UBE2E3: variants seen among roughly 807,000 people sequenced by gnomAD.
UBE2E3 encodes ubiquitin-conjugating enzyme E2 E3.
A neutral mutation model predicts 23.6 loss-of-function variants in UBE2E3; 5 were observed. The observed-to-expected ratio is 0.21, with a 90% CI of 0.11 to 0.44. UBE2E3 has a LOEUF of 0.44. UBE2E3 is among the 20% of genes least tolerant of loss of function. UBE2E3 has a pLI of 0.99. For missense variants in UBE2E3, 81 were observed against 249.8 expected, an observed-to-expected ratio of 0.32 and a Z score of 4.55; for synonymous variants, 78 against 87.5, an observed-to-expected ratio of 0.89 and a Z score of 0.60.
At chr2:180,994,153 T>G (rs1684758399) in intron 3 of UBE2E3, among the ~76,000 whole-genome samples, 1 of 152,182 alleles carries the variant, frequency 6.6e-6, no homozygotes, top group South Asian at 2.1e-4. Flanking sequence ...TCCCAGGTGC[T>G]TACTATCCAC....
chr2:180,982,270 TCAGGTTGTCTTC>T, intron 2 of UBE2E3, 34 bp downstream of exon 2: 1 of 1,585,114 alleles, frequency 6.3e-7, no homozygotes, highest in Non-Finnish European at 8.6e-7. Context: ...GCACACTTTG[TCAGGTTGTCTTC>T]CAGGTGGTTG....
intron 3 of UBE2E3, among the ~76,000 whole-genome samples, chr2:181,005,049 G>A (rs967150045): frequency 6.6e-6 from 1 of 152,194 alleles, no homozygotes; most frequent in Non-Finnish European, 1.5e-5. Flanking sequence ...GCCTGTATCA[G>A]AACTTATTTG....
At chr2:181,035,621 T>C (rs889576444) in intron 3 of UBE2E3, among the ~76,000 whole-genome samples, 1 of 152,188 alleles carries the variant, frequency 6.6e-6, no homozygotes, top group East Asian at 1.9e-4. Flanking sequence ...GTCACATGCG[T>C]CCCAGGACGT....
intron 3 of UBE2E3, among the ~76,000 whole-genome samples, chr2:180,995,199 AC>A (rs901456401): frequency 1.2e-4 from 18 of 152,000 alleles, no homozygotes; most frequent in African/African-American, 4.1e-4. Flanking sequence ...ACACCATGGG[AC>A]CCATGGTGTT....
chr2:180,989,975 TA>T, intron 3 of UBE2E3: 1 of 1,538,352 alleles, frequency 6.5e-7, no homozygotes, highest in Non-Finnish European at 8.8e-7. Flanking sequence ...CAATATGAGA[TA>T]AAAACATAAT....
chr2:181,033,465 G>C (rs1415435101), intron 3 of UBE2E3, among the ~76,000 whole-genome samples: 7 of 152,104 alleles, frequency 4.6e-5, no homozygotes, highest in South Asian at 2.1e-4. Context: ...GCTGGGAAAA[G>C]TGGCTAGCCA....
At chr2:180,997,419 TCA>T (rs1279732965) in intron 3 of UBE2E3, among the ~76,000 whole-genome samples, 1 of 152,160 alleles carries the variant, frequency 6.6e-6, no homozygotes, top group East Asian at 1.9e-4. Context: ...CATGTTCTCT[TCA>T]GTTTCATCTT....
At chr2:181,003,460 C>T (rs1210748644) in intron 3 of UBE2E3, among the ~76,000 whole-genome samples, 2 of 142,048 alleles carry the variant, frequency 1.4e-5, no homozygotes, top group African/African-American at 5.0e-5. Flanking sequence ...TTTTGAAGAA[C>T]TTCCAGGGGG....
chr2:181,049,501 C>T (rs1029242544), intron 3 of UBE2E3, among the ~76,000 whole-genome samples: 2 of 151,930 alleles, frequency 1.3e-5, no homozygotes, highest in Non-Finnish European at 2.9e-5. Context: ...ATAAAAATAC[C>T]TGTACCAGAA....
At chr2:180,990,059 A>G in intron 3 of UBE2E3, 1 of 1,283,532 alleles carries the variant, frequency 7.8e-7, no homozygotes, top group Non-Finnish European at 1.0e-6. Flanking sequence ...AGGTAAGTAT[A>G]TTTGGGCATT....
At chr2:181,010,773 A>G (rs1685300862) in intron 3 of UBE2E3, among the ~76,000 whole-genome samples, 1 of 152,036 alleles carries the variant, frequency 6.6e-6, no homozygotes, top group Non-Finnish European at 1.5e-5. Context: ...ATGTTATAGA[A>G]TGTTGAAAAT....
chr2:181,026,954 T>C (rs901944469), intron 3 of UBE2E3, among the ~76,000 whole-genome samples: 3 of 151,988 alleles, frequency 2.0e-5, no homozygotes, highest in Non-Finnish European at 4.4e-5. Flanking sequence ...ATTTATAATT[T>C]TTTATGTAGA....
At chr2:180,983,071 T>C (rs1192946247) in intron 2 of UBE2E3, among the ~76,000 whole-genome samples, 1 of 152,204 alleles carries the variant, frequency 6.6e-6, no homozygotes, top group Non-Finnish European at 1.5e-5. Context: ...TAGTGGAATA[T>C]CCACAAACTC....
intron 3 of UBE2E3, among the ~76,000 whole-genome samples, chr2:181,030,870 G>A (rs1686055701): frequency 6.6e-6 from 1 of 151,740 alleles, no homozygotes; most frequent in Admixed American, 6.6e-5. Flanking sequence ...TTGTCACAAG[G>A]TTTCTATGTT....
At chr2:181,048,955 A>C (rs1325346247) in intron 3 of UBE2E3, among the ~76,000 whole-genome samples, 2 of 152,118 alleles carry the variant, frequency 1.3e-5, no homozygotes, top group Non-Finnish European at 1.5e-5. Context: ...TAAGGTTGTT[A>C]AAATGAACAA....
At chr2:180,992,655 C>T (rs1036591431) in intron 3 of UBE2E3, among the ~76,000 whole-genome samples, 1 of 151,834 alleles carries the variant, frequency 6.6e-6, no homozygotes, top group Non-Finnish European at 1.5e-5. Flanking sequence ...CCCACCATGC[C>T]TGACTAACTT....
intron 3 of UBE2E3, among the ~76,000 whole-genome samples, chr2:181,035,987 T>C (rs1202527722): frequency 1.3e-5 from 2 of 152,214 alleles, no homozygotes; most frequent in Non-Finnish European, 1.5e-5. Flanking sequence ...CAGTGCATTC[T>C]TCAAACAGTA....
At chr2:180,993,838 A>C (rs1684748534) in intron 3 of UBE2E3, among the ~76,000 whole-genome samples, 1 of 152,132 alleles carries the variant, frequency 6.6e-6, no homozygotes, top group Non-Finnish European at 1.5e-5. Context: ...CTTAATTTAA[A>C]CAGTAGCAAC....
intron 3 of UBE2E3, among the ~76,000 whole-genome samples, chr2:181,031,749 T>C (rs897108741): frequency 1.3e-5 from 2 of 152,194 alleles, no homozygotes; most frequent in African/African-American, 4.8e-5. Flanking sequence ...GGCTATACAC[T>C]ATTTCTGTAT....
Sources: gnomAD v4.1 joint callset for allele counts (sites outside exome capture counted in the v4.1 genomes callset) on GRCh38, gnomAD v4.1.1 for gene constraint, MANE v1.5 for transcripts, NCBI Gene and HGNC (gene_info 2026-07-23, HGNC 2026-07-21) for gene names.